The following WDPCP variants were observed in gnomAD, a reference collection of about 807,000 sequenced individuals.
The protein encoded by WDPCP is WD repeat containing planar cell polarity effector.
A neutral mutation model predicts 93.1 loss-of-function variants in WDPCP; 71 were observed. The ratio of observed to expected loss-of-function variants is 0.76; its 90% CI spans 0.63 to 0.93. The LOEUF is 0.93. WDPCP is among the 40% of genes least tolerant of loss of function. The pLI is 0.00. For synonymous variants in WDPCP, 315 were observed against 315.0 expected, an observed-to-expected ratio of 1.00 and a Z score of 0.00; for missense variants, 844 against 887.4, an observed-to-expected ratio of 0.95 and a Z score of 0.62.
chr2:63,650,806 A>G (rs1400557140), exon 3 of WDPCP: 1 of 152,250 alleles, frequency 6.6e-6, no homozygotes, highest in Non-Finnish European at 1.5e-5. Context: ...TTCACATGCA[A>G]TGAGAGGTGC....
chr2:63,367,785 T>C (rs1306990775), intron 12 of WDPCP, among the ~76,000 whole-genome samples: 1 of 152,216 alleles, frequency 6.6e-6, no homozygotes, highest in Non-Finnish European at 1.5e-5. Context: ...TCAGGAAAAC[T>C]TGAATTAATG....
chr2:63,183,518 A>T (rs1168887282), intron 14 of WDPCP, among the ~76,000 whole-genome samples: 1 of 152,044 alleles, frequency 6.6e-6, no homozygotes, highest in Non-Finnish European at 1.5e-5. Flanking sequence ...AATTTTTAAA[A>T]ATTTATTGAG....
At chr2:63,204,387 G>C (rs1029677358) in intron 14 of WDPCP, among the ~76,000 whole-genome samples, 4 of 145,810 alleles carry the variant, frequency 2.7e-5, no homozygotes, top group Non-Finnish European at 6.0e-5. Context: ...GGTCACCCAG[G>C]CTGGAGTGCA....
At chr2:63,647,005 T>A (rs1053559821) in intron 3 of WDPCP, among the ~76,000 whole-genome samples, 2 of 152,170 alleles carry the variant, frequency 1.3e-5, no homozygotes, top group Non-Finnish European at 2.9e-5. Context: ...TACTCCTATC[T>A]CTTCCTCTAC....
chr2:63,654,186 A>T (rs1450070072), intron 2 of WDPCP, among the ~76,000 whole-genome samples: 1 of 152,202 alleles, frequency 6.6e-6, no homozygotes, highest in Non-Finnish European at 1.5e-5. Flanking sequence ...TGAAGTAAAA[A>T]TTTTACTGGA....
intron 2 of WDPCP, chr2:63,717,567 G>T: frequency 1.9e-6 from 1 of 517,718 alleles, no homozygotes; most frequent in South Asian, 1.4e-5. Flanking sequence ...TTCTAAGGAA[G>T]ACTGATTCAT....
At chr2:63,733,183 AT>A (rs70965141) in intron 2 of WDPCP, among the ~76,000 whole-genome samples, 25,922 of 94,776 alleles carry the variant, frequency 0.27, 3,417 homozygotes, top group South Asian at 0.32. Flanking sequence ...CAAATAAATG[AT>A]TTTTTTTTTT....
chr2:63,700,303 A>C (rs1046762677), intron 2 of WDPCP, among the ~76,000 whole-genome samples: 1 of 97,986 alleles, frequency 1.0e-5, no homozygotes, highest in East Asian at 2.1e-4. Flanking sequence ...AAAAAAAAAA[A>C]CAAAAAGAAA....
chr2:63,785,224 T>C (rs530640708), intron 2 of WDPCP, among the ~76,000 whole-genome samples: 1 of 152,054 alleles, frequency 6.6e-6, no homozygotes, highest in East Asian at 1.9e-4. Context: ...GGAGAGAAAA[T>C]GTCTTTTTTG....
intron 13 of WDPCP, among the ~76,000 whole-genome samples, chr2:63,284,434 A>AT (rs938003218): frequency 6.6e-5 from 10 of 152,168 alleles, no homozygotes; most frequent in African/African-American, 2.2e-4. Flanking sequence ...TCAGCATATG[A>AT]TTTTTTAATC....
intron 13 of WDPCP, among the ~76,000 whole-genome samples, chr2:63,270,993 G>A (rs1682589252): frequency 6.6e-6 from 1 of 152,202 alleles, no homozygotes; most frequent in Non-Finnish European, 1.5e-5. Context: ...CATCACTGGA[G>A]CCCTGCTGAC....
At chr2:63,171,035 C>T (rs746291789) in intron 15 of WDPCP, among the ~76,000 whole-genome samples, 4 of 151,870 alleles carry the variant, frequency 2.6e-5, no homozygotes, top group Non-Finnish European at 4.4e-5. Context: ...ACATAATGAC[C>T]TTAGACCCTT....
chr2:63,428,800 A>G (rs948652108), intron 9 of WDPCP, among the ~76,000 whole-genome samples: 4 of 152,212 alleles, frequency 2.6e-5, no homozygotes, highest in African/African-American at 9.6e-5. Context: ...CAATAGCCAC[A>G]AAAAGAATAA....
intron 13 of WDPCP, among the ~76,000 whole-genome samples, chr2:63,291,846 A>G (rs1468279408): frequency 6.6e-6 from 1 of 151,598 alleles, no homozygotes; most frequent in Non-Finnish European, 1.5e-5. Flanking sequence ...AAGAAAAAGA[A>G]AAGAAGGCCG....
intron 2 of WDPCP, among the ~76,000 whole-genome samples, chr2:63,652,067 C>A (rs543137346): frequency 6.6e-6 from 1 of 152,330 alleles, no homozygotes; most frequent in South Asian, 2.1e-4. Flanking sequence ...TGCTGCAATT[C>A]TGAAGGGCCA....
intron 13 of WDPCP, 64 bp from the exon 14 acceptor site, chr2:63,259,473 A>G (rs950999948): frequency 8.0e-7 from 1 of 1,245,602 alleles, no homozygotes; most frequent in South Asian, 1.2e-5. Flanking sequence ...TACAAGGAGG[A>G]TTTTGAAGGA....
chr2:63,478,850 A>T (rs1700109335), intron 6 of WDPCP, among the ~76,000 whole-genome samples: 1 of 152,068 alleles, frequency 6.6e-6, no homozygotes, highest in South Asian at 2.1e-4. Flanking sequence ...ATGAAACTGA[A>T]ACAAACAAAC....
chr2:63,406,727 G>C (rs1694619735), intron 9 of WDPCP, among the ~76,000 whole-genome samples: 1 of 152,152 alleles, frequency 6.6e-6, no homozygotes, highest in South Asian at 2.1e-4. Flanking sequence ...CTAATGTACT[G>C]AGGGGAACTT....
intron 17 of WDPCP, among the ~76,000 whole-genome samples, chr2:63,150,175 T>C (rs1048779063): frequency 5.3e-5 from 8 of 152,176 alleles, no homozygotes; most frequent in Non-Finnish European, 7.3e-5. Flanking sequence ...GATTTTTCTC[T>C]CAATGGTGGG....
Sources: gnomAD v4.1 joint callset for allele counts (sites outside exome capture counted in the v4.1 genomes callset) on GRCh38, gnomAD v4.1.1 for gene constraint, MANE v1.5 for transcripts, NCBI Gene and HGNC (gene_info 2026-07-23, HGNC 2026-07-21) for gene names.